Variants in RAD52 observed in about 807,000 individuals in gnomAD.
The protein encoded by RAD52 is DNA repair protein RAD52 homolog.
Under a neutral mutation model 55.5 loss-of-function variants are expected in RAD52, and 47 were observed. That is an observed-to-expected ratio of 0.85 (90% CI 0.67 to 1.08). The LOEUF (loss-of-function observed/expected upper bound fraction) is 1.08, where lower values mean the gene tolerates loss of function less well. Ranked by LOEUF, RAD52 falls within the 50% of genes least tolerant of loss-of-function variation. RAD52 has a pLI of 0.00. For synonymous variants in RAD52, 184 were observed against 198.9 expected (o/e 0.92, Z 0.63); for missense variants, 468 against 522.8 (o/e 0.90, Z 1.02).
At chr12:989,098 A>G (rs1959131804) in intron 1 of RAD52, among the ~76,000 whole-genome samples, 1 of 152,168 alleles carries the variant, frequency 6.6e-6, no homozygotes, top group Non-Finnish European at 1.5e-5. Context: ...TTTAGCCTGG[A>G]TAAATGCCTA....
At position 912,730 on chromosome 12, in the gene RAD52, AAAAAAAAAAAAAAAAC is replaced by A. The variant is rs2154107025; in HGVS notation, c.*645_*660del. On this transcript the variant is annotated 3_prime_UTR_variant, in exon 12 of 12. Transcript: ENST00000358495. ...ACAGCCAGACCCCGTCTCAAAAAAA[AAAAAAAAAAAAAAAAC>A]AAAAAACAGCCTTTTTTCGTGGTCT... 2.7e-5 allele frequency: 4 copies of A among 147,864 alleles called. No homozygotes were observed. Among genetic ancestry groups the A allele is most frequent in the Non-Finnish European group, 4.4e-5 (3 of 68,294 alleles). The allele number at this position is 147,864 out of a possible 1,614,324, so 9.2% of individuals were successfully genotyped here.
intron 1 of RAD52, among the ~76,000 whole-genome samples, chr12:985,657 A>G (rs1349469045): frequency 6.6e-6 from 1 of 152,168 alleles, no homozygotes; most frequent in African/African-American, 2.4e-5. Context: ...CAATTGTTCA[A>G]GCACCACTTT....
At chr12:974,119 G>A (rs982870013) in intron 1 of RAD52, 1 of 152,140 alleles carries the variant, frequency 6.6e-6, no homozygotes, top group Non-Finnish European at 1.5e-5. Flanking sequence ...CGGGGAAGAT[G>A]TGGGAAGAGC....
At chr12:945,015 A>G (rs1042997623) in intron 1 of RAD52, among the ~76,000 whole-genome samples, 3 of 152,122 alleles carry the variant, frequency 2.0e-5, no homozygotes, top group African/African-American at 7.2e-5. Context: ...TTATGAACAC[A>G]GTACTATAAT....
chr12:960,853 C>T (rs1257435005), intron 1 of RAD52, among the ~76,000 whole-genome samples: 2 of 152,056 alleles, frequency 1.3e-5, no homozygotes. Context: ...GAAGTCAGGA[C>T]ATAGAGCAGA....
rs1180164974 is a variant in RAD52, at chr12:984,086, T to C, written c.-19+5723A>G. Among the ~76,000 whole-genome samples, 10 of 152,348 alleles carry C rather than the reference T, an allele frequency of 6.6e-5. 1 individual carries two copies. The South Asian group carries it at 1.7e-3, about 25-fold the overall frequency. ...CAATGATCTGCAGACATCACCCTTATCTTCTCCAGAAATGTTTCTTCTTCC... is the reference window on the plus strand; with the variant it reads ...CAATGATCTGCAGACATCACCCTTACCTTCTCCAGAAATGTTTCTTCTTCC... On this transcript the variant is annotated intron_variant, in intron 1 of 11. Transcript: ENST00000430095.
intron 1 of RAD52, among the ~76,000 whole-genome samples, chr12:934,920 C>T (rs770413890): frequency 6.6e-6 from 1 of 152,042 alleles, no homozygotes; most frequent in Non-Finnish European, 1.5e-5. Flanking sequence ...CGAGATCAGC[C>T]TGACCAACAT....
chr12:968,844 C>G (rs1368396446), intron 1 of RAD52, among the ~76,000 whole-genome samples: 1 of 151,990 alleles, frequency 6.6e-6, no homozygotes, highest in Non-Finnish European at 1.5e-5. Context: ...GGATCGTGAA[C>G]TATGCTTCAC....
At chr12:978,188 A>G (rs190804847) in intron 1 of RAD52, among the ~76,000 whole-genome samples, 1 of 152,148 alleles carries the variant, frequency 6.6e-6, no homozygotes, top group Admixed American at 6.5e-5. Context: ...AGACATTTAG[A>G]TAATGCCACC....
At chr12:929,750 C>T (rs182195614) in intron 5 of RAD52, 69 bp downstream of exon 5, 5 of 1,461,924 alleles carry the variant, frequency 3.4e-6, no homozygotes, top group Admixed American at 1.7e-5. Context: ...CTACCTACTT[C>T]CCTACCTGCT....
intron 1 of RAD52, among the ~76,000 whole-genome samples, chr12:933,913 G>C (rs1020076127): frequency 1.3e-5 from 2 of 151,894 alleles, no homozygotes; most frequent in African/African-American, 4.8e-5. Context: ...CTTGAGCCCA[G>C]GAGTTTGAGA....
chr12:946,057 A>T (rs1958210574), intron 1 of RAD52, among the ~76,000 whole-genome samples: 1 of 151,968 alleles, frequency 6.6e-6, no homozygotes, highest in Admixed American at 6.6e-5. Flanking sequence ...GGAACATAGG[A>T]TTAATTCCCT....
rs1473348804 is a variant in RAD52 at position 916,372 on chromosome 12, G to A, written c.837C>T (p.Val279=). 6.2e-7 allele frequency: 1 copy of A among 1,608,088 alleles called. No individual in the cohort carries two copies. Among genetic ancestry groups the A allele is most frequent in the African/African-American group, 1.3e-5 (1 of 75,048 alleles). Residue 279 remains valine, a synonymous_variant, in exon 9 of 12, where the codon GTC becomes GTT. Coordinates refer to ENST00000358495, the MANE Select transcript of RAD52 (RefSeq NM_134424.4). ...CACTCTTCTCAGCTGACGGCGTGGA[G>A]ACTCGAACCTGCTGCTTCTCCATCC... The part of the protein sequence containing the change: ...RERMEKQQVR[V]STPSAEKSEA...
intron 7 of RAD52, among the ~76,000 whole-genome samples, chr12:918,481 G>A (rs1956530415): frequency 6.6e-6 from 1 of 152,108 alleles, no homozygotes; most frequent in African/African-American, 2.4e-5. Flanking sequence ...ACTGCAGCCT[G>A]GGCCTCCTAG....
intron 1 of RAD52, among the ~76,000 whole-genome samples, chr12:962,251 TCTAA>T (rs1958696093): frequency 6.6e-6 from 1 of 151,980 alleles, no homozygotes; most frequent in African/African-American, 2.4e-5. Flanking sequence ...TCTTACCAAT[TCTAA>T]TAAGAGCAGT....
Position 943,536 on chromosome 12 carries a change from A to G in RAD52, c.-19+6066T>C, listed in dbSNP as rs576098632. On this transcript the variant is annotated intron_variant, in intron 1 of 11. Transcript: ENST00000358495. The stretch of plus-strand genomic sequence containing the variant: ...TCTAATTCTTGTATTTTTAGTAGAG[A>G]TGGGGTTTCACTATATTGCTCAGGC... Among the ~76,000 whole-genome samples the G allele has an allele frequency of 3.2e-4, 49 of 152,234 alleles. 1 individual carries two copies. Among genetic ancestry groups the G allele is most frequent in the African/African-American group, 1.1e-3 (46 of 41,568 alleles).
At chr12:965,230 G>A (rs556460669) in intron 1 of RAD52, among the ~76,000 whole-genome samples, 6 of 152,036 alleles carry the variant, frequency 3.9e-5, no homozygotes, top group Admixed American at 3.3e-4. Flanking sequence ...CGCCCACCTC[G>A]ACTCCCAAAG....
At chr12:972,582 C>T (rs945663477) in intron 1 of RAD52, among the ~76,000 whole-genome samples, 2 of 150,702 alleles carry the variant, frequency 1.3e-5, no homozygotes, top group South Asian at 2.1e-4. Flanking sequence ...CTGGCTAACA[C>T]GGTGAAACCC....
chr12:959,279 A>C (rs938487751), intron 1 of RAD52, among the ~76,000 whole-genome samples: 1 of 152,210 alleles, frequency 6.6e-6, no homozygotes, highest in Non-Finnish European at 1.5e-5. Context: ...TCCAAGGCTG[A>C]TTGCAGTGCC....
Sources: allele counts gnomAD v4.1 joint callset (sites outside exome capture counted in the v4.1 genomes callset), GRCh38; gene constraint gnomAD v4.1.1; transcripts MANE v1.5; gene names NCBI Gene and HGNC (gene_info 2026-07-23, HGNC 2026-07-21).